Variants in ABCA3 observed in about 807,000 individuals in gnomAD.
The protein encoded by ABCA3 is phospholipid-transporting ATPase ABCA3.
ABCA3 carries 88 observed loss-of-function variants against 172.8 expected under a neutral mutation model. The observed-to-expected ratio is 0.51, with a 90% confidence interval of 0.43 to 0.61. The LOEUF is 0.61. Ranked by LOEUF, ABCA3 falls within the 20% of genes least tolerant of loss-of-function variation. The pLI is 0.00. For missense variants in ABCA3, 2,164 were observed against 2,301.0 expected (o/e 0.94, Z 1.22); for synonymous variants, 1,066 against 983.8 (o/e 1.08, Z -1.56).
chr16:2,289,657 C>T, intron 19 of ABCA3, 37 bp from the exon 20 acceptor site: 1 of 1,542,382 alleles, frequency 6.5e-7, no homozygotes, highest in East Asian at 2.4e-5. Flanking sequence ...CAGGACCCAG[C>T]TCCCCGGGTG....
chr16:2,304,553 C>G (rs1316901095), intron 11 of ABCA3, among the ~76,000 whole-genome samples: 1 of 138,236 alleles, frequency 7.2e-6, no homozygotes, highest in African/African-American at 2.8e-5. Flanking sequence ...GTCGCCCAGG[C>G]AGGAGTGCAG....
In ABCA3 at chr16:2,325,289, G is replaced by A. The variant is rs369463051; in HGVS notation, c.319+721C>T. On this transcript the variant is annotated intron_variant, in intron 5 of 32. Transcript: ENST00000301732. Reference sequence around the variant, plus strand: ...GGCTCAAGTCCACCCAGGCATCCCTGTAAAGTCCTGTCCACCCTACTGACC... The same window carrying A: ...GGCTCAAGTCCACCCAGGCATCCCTATAAAGTCCTGTCCACCCTACTGACC... 2.2e-3 allele frequency among the ~76,000 whole-genome samples: 333 copies of A among 152,330 alleles called. 1 individual carries two copies. The highest frequency in any genetic ancestry group is 4.1e-3 in the Non-Finnish European group (281 of 68,030).
Position 2,298,122 on chromosome 16 carries a change from C to T in ABCA3, c.1897-201G>A, listed in dbSNP as rs1203184810. 1.0e-4 allele frequency among the ~76,000 whole-genome samples: 13 copies of T among 128,876 alleles called. 1 individual carries two copies. Among genetic ancestry groups the T allele is most frequent in the Non-Finnish European group, 6.9e-5 (4 of 57,660 alleles). 84.5% of individuals were successfully genotyped at this position (128,876 alleles called of 152,430 possible). On this transcript the variant is annotated intron_variant, in intron 15 of 32. Transcript: ENST00000301732. ...AGCTGGGGAGATGCAGGGCTCCTGGCGGGAGGCCGACCACGGCCAGCGAGT... is the reference window on the plus strand; with the variant it reads ...AGCTGGGGAGATGCAGGGCTCCTGGTGGGAGGCCGACCACGGCCAGCGAGT...
At chr16:2,288,582 G>A (rs373457401) in intron 20 of ABCA3, among the ~76,000 whole-genome samples, 2 of 152,130 alleles carry the variant, frequency 1.3e-5, no homozygotes, top group East Asian at 3.9e-4. Flanking sequence ...TTTTGAGACA[G>A]GGTCACTCTG....
chr16:2,280,547 C>T (rs2093653467), intron 28 of ABCA3, among the ~76,000 whole-genome samples: 1 of 152,162 alleles, frequency 6.6e-6, no homozygotes, highest in Non-Finnish European at 1.5e-5. Flanking sequence ...CCAGGCCCTG[C>T]TTACCATTTC....
Position 2,276,674 on chromosome 16 carries a change from T to C in ABCA3, c.5115A>G (p.Ter1705TrpextTer33). ...CTGATGGCGAGACAGCCGCCACCCC[T>C]CATCGCCCCTCCTCTGCGGTGGGCG... is the stretch of plus-strand genomic sequence containing the variant. Reference protein sequence around the residue: ...LQPPTAEEGR* With the variant: ...LQPPTAEEGRW The change falls in exon 33 of 33, where the codon TGA (stop) becomes TGG (tryptophan). Residue 1705 changes from the stop codon to tryptophan (W), a stop_lost. Coordinates refer to ENST00000301732, the MANE Select transcript of ABCA3 (RefSeq NM_001089.3). The C allele has an allele frequency of 6.2e-7, 1 of 1,613,046 alleles. No homozygotes were observed. The highest frequency in any genetic ancestry group is 8.5e-7 in the Non-Finnish European group (1 of 1,179,994).
intron 11 of ABCA3, among the ~76,000 whole-genome samples, chr16:2,305,893 G>C (rs540063532): frequency 6.6e-6 from 1 of 152,198 alleles, no homozygotes; most frequent in South Asian, 2.1e-4. Context: ...AATGGAGCTC[G>C]TGTTTCTCAT....
chr16:2,331,547 G>A (rs1026009300), intron 1 of ABCA3, among the ~76,000 whole-genome samples: 2 of 152,218 alleles, frequency 1.3e-5, no homozygotes, highest in African/African-American at 4.8e-5. Flanking sequence ...TGCCTGATAC[G>A]TGTGAGGCTT....
chr16:2,317,854 G>C (rs534348304), intron 8 of ABCA3, 90 bp from the exon 9 acceptor site: 2 of 1,173,820 alleles, frequency 1.7e-6, no homozygotes, highest in Admixed American at 3.4e-5. Flanking sequence ...GCCTGAGTCC[G>C]ACTGTCCCAG....
At chr16:2,301,185 G>T (rs933676900) in intron 12 of ABCA3, among the ~76,000 whole-genome samples, 1 of 150,846 alleles carries the variant, frequency 6.6e-6, no homozygotes, top group South Asian at 2.1e-4. Flanking sequence ...GAGCCGAGAT[G>T]GCACCACTGT....
intron 19 of ABCA3, 60 bp downstream of exon 19, chr16:2,292,080 A>T: frequency 7.1e-7 from 1 of 1,410,784 alleles, no homozygotes; most frequent in African/African-American, 1.4e-5. Context: ...TCTCAAAAAA[A>T]AAAAGTCCTC....
At chr16:2,316,184 G>T (rs1329945839) in intron 10 of ABCA3, among the ~76,000 whole-genome samples, 2 of 146,622 alleles carry the variant, frequency 1.4e-5, no homozygotes, top group Non-Finnish European at 3.0e-5. Context: ...GGCAGGTAAC[G>T]GTGGTGTGAG....
At chr16:2,306,380 C>A (rs1202142318) in intron 11 of ABCA3, among the ~76,000 whole-genome samples, 1 of 152,190 alleles carries the variant, frequency 6.6e-6, no homozygotes, top group African/African-American at 2.4e-5. Context: ...TTTATCAACA[C>A]ACGAGTAAAC....
In ABCA3 at chr16:2,278,859, C is replaced by A; in HGVS notation, c.4547+84G>T. On this transcript the variant is annotated intron_variant, in intron 29 of 32. Transcript: ENST00000301732. This position sits in a 1 kb window ranked among gnomAD's most constrained non-coding sequence, Gnocchi z 4.4. ...CACAAGCAGGAGCTCTGGCTGCTGA[C>A]CTGAGCGGTCACTCCCAGCTCTATG... 1 of 1,585,288 alleles carries A rather than the reference C, an allele frequency of 6.3e-7. No homozygotes were observed. The highest frequency in any genetic ancestry group is 8.6e-7 in the Non-Finnish European group (1 of 1,160,622).
At chr16:2,289,272 C>T (rs904903475) in intron 20 of ABCA3, 162 bp downstream of exon 20, 17 of 798,760 alleles carry the variant, frequency 2.1e-5, no homozygotes, top group South Asian at 1.4e-4. Flanking sequence ...TTCTCCCTGC[C>T]GACCCATGCG....
rs1324408109 is a variant in ABCA3 at position 2,299,919 on chromosome 16, G to A, written c.1611+86C>T. 19 of 1,574,904 alleles carry A rather than the reference G, an allele frequency of 1.2e-5. No homozygotes were observed. The Admixed American group carries it at 2.0e-4, about 17-fold the overall frequency. ...GCAAGGCTCAGAGGGAGCGCCTGAC[G>A]GGCTATGAGGTCTCACTGCCGTGCT... On this transcript the variant is annotated intron_variant, in intron 13 of 32. Transcript: ENST00000301732.
In ABCA3 at chr16:2,276,928, ACCCCAGAG is replaced by A. The variant is rs1391814793; in HGVS notation, c.4984-131_4984-124del. On this transcript the variant is annotated intron_variant, in intron 32 of 32. Transcript: ENST00000301732. Reference sequence around the variant, plus strand: ...CACAATCCTACCCCTGCCCAGCGCCACCCCAGAGCCCCAGAGAGGTCAGCCCTGCGACG... The same window carrying A: ...CACAATCCTACCCCTGCCCAGCGCCACCCCAGAGAGGTCAGCCCTGCGACG... 5.7e-6 allele frequency: 8 copies of A among 1,411,750 alleles called. No homozygotes were observed. In the East Asian group the frequency reaches 1.7e-4, roughly 29 times the overall value. The allele number at this position is 1,411,750 out of a possible 1,614,324, so 87.5% of individuals were successfully genotyped here.
intron 1 of ABCA3, among the ~76,000 whole-genome samples, chr16:2,337,087 T>G (rs1217166732): frequency 2.0e-5 from 3 of 151,456 alleles, no homozygotes; most frequent in South Asian, 2.1e-4. Context: ...TATTTTTTTT[T>G]TTTTTTTAGT....
At position 2,284,514 on chromosome 16, in the gene ABCA3, G is replaced by A. The variant is rs1409573383; in HGVS notation, c.3704-77C>T. On this transcript the variant is annotated intron_variant, in intron 24 of 32. Transcript: ENST00000301732. The surrounding 1 kb of genome is among the most constrained non-coding windows in gnomAD (Gnocchi z 5.9). ...CTCCAGGACGGGCCTGGTCAGGGCG[G>A]GCACAGGGCCTTATCCGTGCTGTGT... 2.5e-6 allele frequency: 4 copies of A among 1,582,010 alleles called. No individual in the cohort carries two copies. Among genetic ancestry groups the A allele is most frequent in the Non-Finnish European group, 3.5e-6 (4 of 1,153,392 alleles).
Sources: gnomAD v4.1 joint callset for allele counts (sites outside exome capture counted in the v4.1 genomes callset) on GRCh38, gnomAD v4.1.1 for gene constraint, Gnocchi (gnomAD v3.1) non-coding constraint, MANE v1.5 for transcripts, NCBI Gene and HGNC (gene_info 2026-07-23, HGNC 2026-07-21) for gene names.